Variants in NAPA observed in about 807,000 individuals in gnomAD.
The protein encoded by NAPA is NSF attachment protein alpha, also known as alpha-soluble NSF attachment protein.
In NAPA, 18 loss-of-function variants were observed where a neutral mutation model predicts 48.0. The ratio of observed to expected loss-of-function variants is 0.38; its 90% CI spans 0.26 to 0.56. The LOEUF is 0.56. Ranked by LOEUF, NAPA falls within the 20% of genes least tolerant of loss-of-function variation. The pLI is 0.77. For synonymous variants in NAPA, 152 were observed against 149.9 expected (o/e 1.01, Z -0.10); for missense variants, 315 against 385.0 (o/e 0.82, Z 1.52).
chr19:47,511,119 T>C (rs1968797059), intron 1 of NAPA, among the ~76,000 whole-genome samples: 1 of 152,190 alleles, frequency 6.6e-6, no homozygotes, highest in South Asian at 2.1e-4. Flanking sequence ...GATGCTGTCA[T>C]TGCTGGGGTT....
chr19:47,489,666 ACC>A, intron 10 of NAPA, 43 bp downstream of exon 10: 1 of 1,607,516 alleles, frequency 6.2e-7, no homozygotes, highest in Non-Finnish European at 8.5e-7. Flanking sequence ...TTCCTAGGAG[ACC>A]CATCCCCGTG....
Position 47,488,284 on chromosome 19 carries a change from G to A in NAPA, c.*4C>T. 1.9e-6 allele frequency: 3 copies of A among 1,608,700 alleles called. No homozygotes were observed. Among genetic ancestry groups the A allele is most frequent in the Non-Finnish European group, 2.6e-6 (3 of 1,176,096 alleles). ...AAGACGGGCACTGGGGGGCTGGGTG[G>A]GGCTTAGCGCAGGTCCTCCTCATCG... On this transcript the variant is annotated 3_prime_UTR_variant, in exon 11 of 11. Transcript: ENST00000263354.
Position 47,514,728 on chromosome 19 carries a change from G to A in NAPA, c.98+115C>T, listed in dbSNP as rs73940877. On this transcript the variant is annotated intron_variant, in intron 1 of 10. Coordinates refer to ENST00000263354, the MANE Select transcript of NAPA (RefSeq NM_003827.4). ...CCTCAGGCCATGTCACCTTATTGCA[G>A]GTTCCTCTCCGTCCCCTCGGCCCGA... 5,818 of 963,322 alleles carry A rather than the reference G, an allele frequency of 6.0e-3. 195 individuals are homozygous for A. In the African/African-American group the frequency reaches 0.083, roughly 14 times the overall value. 59.7% of individuals were successfully genotyped at this position (963,322 alleles called of 1,614,324 possible).
chr19:47,507,783 C>T (rs1460987573), intron 1 of NAPA, among the ~76,000 whole-genome samples: 4 of 152,222 alleles, frequency 2.6e-5, no homozygotes, highest in African/African-American at 9.6e-5. Flanking sequence ...CACAGCTCCT[C>T]ACGAGAGCCC....
At chr19:47,500,484 C>T (rs770829273) in intron 3 of NAPA, 149 bp downstream of exon 3, 30 of 568,732 alleles carry the variant, frequency 5.3e-5, no homozygotes, top group Non-Finnish European at 8.0e-5. Context: ...CTAAAGTCAA[C>T]GCTCACTCTG....
intron 4 of NAPA, chr19:47,495,213 C>T (rs1032916961): frequency 5.6e-6 from 2 of 354,602 alleles, no homozygotes; most frequent in Admixed American, 4.2e-5. Context: ...AGGCTGGTCT[C>T]GAACTCCTGT....
Position 47,490,825 on chromosome 19 carries a change from G to A in NAPA, c.698C>T (p.Pro233Leu), listed in dbSNP as rs1329160231. Reference protein sequence around the residue: ...LAVQKYEELFPAFSDSRECKL... With the variant: ...LAVQKYEELFLAFSDSRECKL... ...GCATTCCCGGGAATCAGAGAAAGCT[G>A]GGAACAGCTCCTCATACTTTTGGAC... is the stretch of plus-strand genomic sequence containing the variant. Residue 233 changes from proline (P) to leucine (L), a missense_variant, in exon 9 of 11, where the codon CCA becomes CTA. Physicochemically the swap from Pro to Leu is moderately conservative, Grantham distance 98. Around this residue, in one of 3 missense-constraint regions of NAPA, gnomAD observed 137 missense variants for 150.1 expected, o/e 0.91. Transcript: ENST00000263354. 3 of 1,613,678 alleles carry A rather than the reference G, an allele frequency of 1.9e-6. No homozygotes were observed. Among genetic ancestry groups the A allele is most frequent in the African/African-American group, 2.7e-5 (2 of 74,892 alleles).
chr19:47,513,731 CTG>C (rs1046028265), intron 1 of NAPA, among the ~76,000 whole-genome samples: 26 of 151,876 alleles, frequency 1.7e-4, no homozygotes, highest in African/African-American at 5.8e-4. Context: ...CTCAGTCCCC[CTG>C]TCTCTCCCTG....
rs749569918 is a variant in NAPA at position 47,503,519 on chromosome 19, GA to G, written c.99-18del. ...GATGAGCCTCTGGGGAAAAAGGAAAGAAAAAAAGGAGACAATCTAGTCGGCT... is the reference window on the plus strand; with the variant it reads ...GATGAGCCTCTGGGGAAAAAGGAAAGAAAAAAGGAGACAATCTAGTCGGCT... On this transcript the variant is annotated intron_variant, in intron 1 of 10. Coordinates refer to ENST00000263354, the MANE Select transcript of NAPA (RefSeq NM_003827.4). The G allele has an allele frequency of 1.2e-6, 2 of 1,609,876 alleles. No homozygotes were observed. The highest frequency in any genetic ancestry group is 1.7e-6 in the Non-Finnish European group (2 of 1,176,662).
At chr19:47,503,019 C>G (rs1968613754) in intron 2 of NAPA, among the ~76,000 whole-genome samples, 1 of 152,216 alleles carries the variant, frequency 6.6e-6, no homozygotes, top group South Asian at 2.1e-4. Flanking sequence ...GCACTTAGGA[C>G]TCAACAAACA....
Position 47,489,833 on chromosome 19 carries a change from A to G in NAPA, c.736-72T>C, listed in dbSNP as rs1002095534. ...GGTCTGGCCTGGATTAGATGAAAGG[A>G]CACGCTATCTGTATGCCAGGCCTGG... is the stretch of plus-strand genomic sequence containing the variant. On this transcript the variant is annotated intron_variant, in intron 9 of 10. Coordinates refer to ENST00000263354, the MANE Select transcript of NAPA (RefSeq NM_003827.4). 5 of 1,527,122 alleles carry G rather than the reference A, an allele frequency of 3.3e-6. No individual in the cohort carries two copies. In the African/African-American group the frequency reaches 6.8e-5, roughly 21 times the overall value. 94.6% of individuals were successfully genotyped at this position (1,527,122 alleles called of 1,614,324 possible).
intron 2 of NAPA, 40 bp downstream of exon 2, chr19:47,503,383 A>G (rs1204703145): frequency 1.3e-6 from 2 of 1,562,926 alleles, no homozygotes; most frequent in Non-Finnish European, 1.8e-6. Context: ...CTGAGGGAGG[A>G]GGAGAGCACC....
At chr19:47,508,541 T>C (rs1968739196) in intron 1 of NAPA, among the ~76,000 whole-genome samples, 3 of 152,190 alleles carry the variant, frequency 2.0e-5, no homozygotes. Flanking sequence ...CAGGACCCTC[T>C]TGTGACATGC....
Position 47,491,294 on chromosome 19 carries a change from G to A in NAPA, c.667-438C>T, listed in dbSNP as rs567819942. On this transcript the variant is annotated intron_variant, in intron 8 of 10. Coordinates refer to ENST00000263354, the MANE Select transcript of NAPA (RefSeq NM_003827.4). The stretch of plus-strand genomic sequence containing the variant: ...CCCAGGGCACGGTGAGACATGGGGT[G>A]GGAATGGGAACCTGGTCTGACAAAG... 5 of 169,650 alleles carry A rather than the reference G, an allele frequency of 2.9e-5. No individual in the cohort carries two copies. In the South Asian group the frequency reaches 7.0e-4, roughly 24 times the overall value. 10.5% of individuals were successfully genotyped at this position (169,650 alleles called of 1,614,324 possible).
chr19:47,501,492 G>C (rs1318855497), intron 2 of NAPA: 1 of 152,238 alleles, frequency 6.6e-6, no homozygotes, highest in African/African-American at 2.4e-5. Flanking sequence ...GAATTGTGAG[G>C]CTCATGGAGT....
intron 1 of NAPA, among the ~76,000 whole-genome samples, chr19:47,512,401 C>T (rs926104474): frequency 6.6e-6 from 1 of 152,156 alleles, no homozygotes; most frequent in African/African-American, 2.4e-5. Context: ...ACAGGAATGA[C>T]ATCATCGAGC....
Position 47,500,802 on chromosome 19 carries a change from G to A in NAPA, c.179-53C>T, listed in dbSNP as rs998690666. On this transcript the variant is annotated intron_variant, in intron 2 of 10. Transcript: ENST00000263354. ...GCCTCAGTGGGGCTCCACACTTTAT[G>A]AAGCCACAGAGACACTGCCCTGGGA... is the stretch of plus-strand genomic sequence containing the variant. The A allele has an allele frequency of 1.5e-5, 21 of 1,385,852 alleles. No homozygotes were observed. The African/African-American group carries it at 2.9e-4, about 19-fold the overall frequency. The allele number at this position is 1,385,852 out of a possible 1,614,324, so 85.8% of individuals were successfully genotyped here. A position where few individuals can be genotyped will look rare whatever the true frequency, so the allele number is the denominator to read the frequency against.
chr19:47,500,753 G>A lies in NAPA; in HGVS notation c.179-4C>T. 1 of 1,599,440 alleles carries A rather than the reference G, an allele frequency of 6.3e-7. No homozygotes were observed. The highest frequency in any genetic ancestry group is 8.5e-7 in the Non-Finnish European group (1 of 1,172,248). On this transcript the variant is annotated splice_polypyrimidine_tract_variant and splice_region_variant and intron_variant, in intron 2 of 10. Coordinates refer to ENST00000263354, the MANE Select transcript of NAPA (RefSeq NM_003827.4). ...TGGCAGAACGCGTTTCCAGCAGCTG[G>A]AACAGAAGAGAAGGGCAGTCCTGGC...
At chr19:47,508,876 G>A (rs901387254) in intron 1 of NAPA, among the ~76,000 whole-genome samples, 5 of 151,968 alleles carry the variant, frequency 3.3e-5, no homozygotes, top group African/African-American at 9.7e-5. Flanking sequence ...GCTTGATCTC[G>A]AGTTTGAGAC....
Sources: allele counts gnomAD v4.1 joint callset (sites outside exome capture counted in the v4.1 genomes callset), GRCh38; gene constraint gnomAD v4.1.1; regional missense constraint gnomAD v4.1.1; transcripts MANE v1.5; gene names NCBI Gene and HGNC (gene_info 2026-07-23, HGNC 2026-07-21).